The following PCNX2 variants were observed in gnomAD, a reference collection of about 807,000 sequenced individuals.
The protein encoded by PCNX2 is pecanex 2.
In PCNX2, 168 loss-of-function variants were observed where a neutral mutation model predicts 223.8. The ratio of observed to expected loss-of-function variants is 0.75; its 90% CI spans 0.66 to 0.85. The LOEUF (loss-of-function observed/expected upper bound fraction) is 0.85. Among genes scored for constraint, PCNX2 ranks in the 40% least tolerant of loss-of-function variants. The probability of loss-of-function intolerance (pLI) is 0.00; values close to 1 mark genes in which losing one functional copy is unlikely to be tolerated. For missense variants in PCNX2, 2,507 were observed against 2,675.5 expected, an observed-to-expected ratio of 0.94 and a Z score of 1.39; for synonymous variants, 1,006 against 1,052.6, an observed-to-expected ratio of 0.96 and a Z score of 0.86.
Position 233,147,182 on chromosome 1 carries a change from C to T in PCNX2, c.3518-7327G>A, listed in dbSNP as rs535196345. Reference sequence around the variant, plus strand: ...GGGAGGTTAGAGACACCAACGCTTGCACAGTCAAAAGTGCGAATTTAACGT... The same window carrying T: ...GGGAGGTTAGAGACACCAACGCTTGTACAGTCAAAAGTGCGAATTTAACGT... On this transcript the variant is annotated intron_variant, in intron 19 of 33. Coordinates refer to ENST00000258229, the MANE Select transcript of PCNX2 (RefSeq NM_014801.4). 7.9e-5 allele frequency among the ~76,000 whole-genome samples: 12 copies of T among 152,252 alleles called. No individual in the cohort carries two copies. The South Asian group carries it at 2.5e-3, about 32-fold the overall frequency.
chr1:233,119,287 C>T (rs543519487), intron 21 of PCNX2, among the ~76,000 whole-genome samples: 3 of 151,094 alleles, frequency 2.0e-5, no homozygotes, highest in East Asian at 1.9e-4. Context: ...AGGCCAGGCA[C>T]GGTGGCTCAT....
intron 8 of PCNX2, among the ~76,000 whole-genome samples, chr1:233,239,456 A>G (rs1160121769): frequency 6.6e-6 from 1 of 152,236 alleles, no homozygotes; most frequent in Non-Finnish European, 1.5e-5. Flanking sequence ...ATTTTCCTAT[A>G]TAAGCCATTT....
At chr1:233,190,622 A>G (rs1680368807) in intron 15 of PCNX2, among the ~76,000 whole-genome samples, 1 of 152,158 alleles carries the variant, frequency 6.6e-6, no homozygotes, top group Non-Finnish European at 1.5e-5. Context: ...AGGGAAGTCA[A>G]TACCTCCCTG....
rs771986202 is a variant in PCNX2, at chr1:233,258,286, T to C, written c.1576A>G (p.Arg526Gly). ...PSSCKSSHEK[R>G]HARVLSVDSG... ...TCCACACTGAGCACCCGGGCATGCC[T>C]CTTTTCATGGCTGGACTTACAAGAC... is the stretch of plus-strand genomic sequence containing the variant. The change falls in exon 5 of 34, where the codon AGG becomes GGG. Residue 526 changes from arginine (R) to glycine (G), a missense_variant. Arg to Gly is a moderately radical substitution (Grantham distance 125). Around this residue, in one of 3 missense-constraint regions of PCNX2, gnomAD observed 1,031 missense variants for 1,021.7 expected, o/e 1.01. Transcript: ENST00000258229. 1.9e-6 allele frequency: 3 copies of C among 1,614,036 alleles called. No homozygotes were observed. The Admixed American group carries it at 5.0e-5, about 27-fold the overall frequency.
At chr1:233,181,849 C>T (rs1679821172) in intron 15 of PCNX2, among the ~76,000 whole-genome samples, 1 of 152,214 alleles carries the variant, frequency 6.6e-6, no homozygotes, top group Admixed American at 6.5e-5. Flanking sequence ...CTGTAATCAC[C>T]TCACAAAGCC....
At chr1:233,058,571 T>C (rs1286450371) in intron 23 of PCNX2, 2 of 152,146 alleles carry the variant, frequency 1.3e-5, no homozygotes, top group African/African-American at 4.8e-5. Flanking sequence ...AGGGTTTACT[T>C]AAGGATTTGG....
At chr1:233,290,822 A>T in intron 1 of PCNX2, 2 of 985,452 alleles carry the variant, frequency 2.0e-6, no homozygotes, top group Non-Finnish European at 2.4e-6. Flanking sequence ...AAGGAAACAG[A>T]AAGCTCCAGC....
At chr1:233,310,373 T>C in the PCNX2 span, among the ~76,000 whole-genome samples, 59 of 152,298 alleles carry the variant, frequency 3.9e-4, no homozygotes, top group African/African-American at 1.4e-3. Flanking sequence ...AAAATACTAG[T>C]GCTCAAAGGA....
intron 7 of PCNX2, among the ~76,000 whole-genome samples, chr1:233,251,098 T>G (rs1413319384): frequency 6.6e-6 from 1 of 152,242 alleles, no homozygotes; most frequent in Non-Finnish European, 1.5e-5. Context: ...GGTTACTTAT[T>G]ATTTAATTGC....
Position 232,984,520 on chromosome 1 carries a change from T to A in PCNX2, c.6241-43A>T, listed in dbSNP as rs112315831. Reference sequence around the variant, plus strand: ...GAAACAGTGAACAGCTCAGCAAACGTTCACTACCCACTTCTAACTGGCATC... The same window carrying A: ...GAAACAGTGAACAGCTCAGCAAACGATCACTACCCACTTCTAACTGGCATC... On this transcript the variant is annotated intron_variant, in intron 33 of 33. Coordinates refer to ENST00000258229, the MANE Select transcript of PCNX2 (RefSeq NM_014801.4). 1.2e-3 allele frequency: 1,928 copies of A among 1,585,666 alleles called. 25 individuals are homozygous for A. In the African/African-American group the frequency reaches 0.022, roughly 18 times the overall value.
chr1:233,262,574 T>A (rs1660111671), intron 2 of PCNX2, among the ~76,000 whole-genome samples: 2 of 152,208 alleles, frequency 1.3e-5, no homozygotes, highest in South Asian at 4.1e-4. Flanking sequence ...CTCTTAATAT[T>A]TCAGTTCTAT....
At chr1:233,097,484 TACTC>T (rs1674242810) in intron 21 of PCNX2, among the ~76,000 whole-genome samples, 1 of 152,162 alleles carries the variant, frequency 6.6e-6, no homozygotes, top group South Asian at 2.1e-4. Context: ...TCTTTACTCT[TACTC>T]ACTTGCATCA....
rs1488096481 is a variant in PCNX2 at position 233,205,961 on chromosome 1, A to G, written c.2863+2557T>C. ...AGTGTGGGTAGTGAGAGGATAGACA[A>G]TGGGGCCAAACTTAGGGAAATGAGG... On this transcript the variant is annotated intron_variant, in intron 13 of 33. Transcript: ENST00000258229. Among the ~76,000 whole-genome samples, 9 of 152,278 alleles carry G rather than the reference A, an allele frequency of 5.9e-5. No homozygotes were observed. The East Asian group carries it at 1.7e-3, about 29-fold the overall frequency.
chr1:233,243,028 A>T (rs1658869665), intron 8 of PCNX2, among the ~76,000 whole-genome samples: 1 of 152,186 alleles, frequency 6.6e-6, no homozygotes, highest in Admixed American at 6.5e-5. Flanking sequence ...TGCTCTATGG[A>T]CAGCTATTGT....
intron 26 of PCNX2, chr1:233,019,152 G>C (rs1417774354): frequency 7.1e-6 from 7 of 985,278 alleles, no homozygotes; most frequent in African/African-American, 1.7e-5. Context: ...AACTGCAAAT[G>C]CATGACTTAG....
At chr1:233,074,763 A>T (rs1396539405) in intron 23 of PCNX2, among the ~76,000 whole-genome samples, 1 of 152,122 alleles carries the variant, frequency 6.6e-6, no homozygotes, top group African/African-American at 2.4e-5. Context: ...TGAGCAAAAG[A>T]CATGAATAAA....
At chr1:233,205,273 G>A (rs1187970023) in intron 13 of PCNX2, among the ~76,000 whole-genome samples, 1 of 152,178 alleles carries the variant, frequency 6.6e-6, no homozygotes, top group Non-Finnish European at 1.5e-5. Flanking sequence ...ATTGGCAAAA[G>A]GCACTTTTTA....
chr1:233,277,071 A>C (rs1365236142), intron 1 of PCNX2, among the ~76,000 whole-genome samples: 1 of 152,256 alleles, frequency 6.6e-6, no homozygotes, highest in East Asian at 1.9e-4. Flanking sequence ...GAGATTCCAG[A>C]CAATGGGCCA....
chr1:233,085,817 C>A (rs1431050529), intron 23 of PCNX2, among the ~76,000 whole-genome samples: 1 of 152,090 alleles, frequency 6.6e-6, no homozygotes, highest in African/African-American at 2.4e-5. Flanking sequence ...GAAAGATGTC[C>A]AGTTAGTCCC....
Sources: gnomAD v4.1 joint callset for allele counts (sites outside exome capture counted in the v4.1 genomes callset) on GRCh38, gnomAD v4.1.1 for gene constraint, gnomAD v4.1.1 regional missense constraint, MANE v1.5 for transcripts, NCBI Gene and HGNC (gene_info 2026-07-23, HGNC 2026-07-21) for gene names.